HCN1: variants seen among roughly 807,000 people sequenced by gnomAD.
The protein encoded by HCN1 is potassium/sodium hyperpolarization-activated cyclic nucleotide-gated channel 1.
Under a neutral mutation model 78.9 loss-of-function variants are expected in HCN1, and 13 were observed. The observed-to-expected ratio is 0.16, with a 90% CI of 0.11 to 0.26. HCN1 has a LOEUF of 0.26. Among genes scored for constraint, HCN1 ranks in the 10% least tolerant of loss-of-function variants. The pLI is 1.00. For missense variants in HCN1, 810 were observed against 1,154.3 expected (o/e 0.70, Z 4.32); for synonymous variants, 552 against 455.5 (o/e 1.21, Z -2.70).
chr5:45,313,163 T>C (rs1397544561), intron 5 of HCN1, among the ~76,000 whole-genome samples: 1 of 152,104 alleles, frequency 6.6e-6, no homozygotes, highest in East Asian at 1.9e-4. Context: ...CCCTCTGAGA[T>C]GAAGCTTCCA....
Position 45,303,780 on chromosome 5 carries a change from C to T in HCN1, c.1437G>A (p.Ala479=), listed in dbSNP as rs372374391. ...LVATMPLFAN[A]DPNFVTAMLS... ...GCATGGCAGTCACAAAATTAGGATC[C>T]GCATTAGCAAATAAAGGCATTGTAG... The change falls in exon 6 of 8, where the codon GCG becomes GCA. Residue 479 remains alanine, a synonymous_variant. Coordinates refer to ENST00000303230, the MANE Select transcript of HCN1 (RefSeq NM_021072.4). 6.9e-5 allele frequency: 111 copies of T among 1,613,456 alleles called. No individual in the cohort carries two copies. The highest frequency in any genetic ancestry group is 3.2e-4 in the South Asian group (29 of 91,086).
chr5:45,421,384 A>G (rs1740225451), intron 3 of HCN1, among the ~76,000 whole-genome samples: 1 of 152,156 alleles, frequency 6.6e-6, no homozygotes, highest in South Asian at 2.1e-4. Flanking sequence ...TTTAACAACA[A>G]AAAAACTAGA....
chr5:45,544,507 C>CAT (rs1743168356), intron 2 of HCN1, among the ~76,000 whole-genome samples: 2 of 151,938 alleles, frequency 1.3e-5, no homozygotes, highest in African/African-American at 2.4e-5. Context: ...AGGTTTGTCA[C>CAT]ATATGTATAC....
At chr5:45,620,441 T>C (rs1745035693) in intron 2 of HCN1, among the ~76,000 whole-genome samples, 1 of 151,926 alleles carries the variant, frequency 6.6e-6, no homozygotes, top group Non-Finnish European at 1.5e-5. Flanking sequence ...CTATATAATA[T>C]TTTACTATTC....
At chr5:45,425,216 G>T (rs923156004) in intron 3 of HCN1, among the ~76,000 whole-genome samples, 1 of 152,158 alleles carries the variant, frequency 6.6e-6, no homozygotes, top group Admixed American at 6.5e-5. Flanking sequence ...ACACTTAACA[G>T]CTTCTGCCTT....
intron 2 of HCN1, among the ~76,000 whole-genome samples, chr5:45,619,378 C>T (rs1395086975): frequency 1.3e-5 from 2 of 152,026 alleles, no homozygotes; most frequent in Non-Finnish European, 2.9e-5. Context: ...AGAGAGAATA[C>T]ACGGTGAATC....
chr5:45,406,904 C>T (rs1675693929), intron 3 of HCN1, among the ~76,000 whole-genome samples: 1 of 152,120 alleles, frequency 6.6e-6, no homozygotes, highest in South Asian at 2.1e-4. Context: ...TTTATACTTT[C>T]CTATTAGTCA....
chr5:45,556,927 A>G (rs1023554745), intron 2 of HCN1, among the ~76,000 whole-genome samples: 8 of 152,112 alleles, frequency 5.3e-5, no homozygotes, highest in African/African-American at 1.9e-4. Flanking sequence ...GAAATATCAC[A>G]CGTTTAAAGC....
At chr5:45,335,884 C>A (rs778979469) in intron 5 of HCN1, among the ~76,000 whole-genome samples, 9 of 151,896 alleles carry the variant, frequency 5.9e-5, no homozygotes, top group Non-Finnish European at 8.8e-5. Flanking sequence ...TAGTTAGTAG[C>A]GGAGCTGGAT....
At chr5:45,345,294 T>C (rs1048662414) in intron 5 of HCN1, among the ~76,000 whole-genome samples, 10 of 152,076 alleles carry the variant, frequency 6.6e-5, no homozygotes, top group African/African-American at 2.4e-4. Flanking sequence ...TCCAGGTCTG[T>C]GATGGGAGGG....
intron 5 of HCN1, among the ~76,000 whole-genome samples, chr5:45,317,166 AC>A (rs1342239099): frequency 6.6e-6 from 1 of 152,220 alleles, no homozygotes; most frequent in Non-Finnish European, 1.5e-5. Flanking sequence ...ACTTCAAACT[AC>A]ACTACAAAGC....
chr5:45,271,404 A>C (rs1297055824), intron 6 of HCN1, among the ~76,000 whole-genome samples: 1 of 149,170 alleles, frequency 6.7e-6, no homozygotes, highest in Non-Finnish European at 1.5e-5. Context: ...ACACACACAG[A>C]CACAGTTGCT....
intron 1 of HCN1, among the ~76,000 whole-genome samples, chr5:45,645,957 A>G (rs1026163779): frequency 6.6e-6 from 1 of 152,114 alleles, no homozygotes; most frequent in African/African-American, 2.4e-5. Context: ...AGAAAGAAGT[A>G]TAAGATTAGA....
intron 5 of HCN1, among the ~76,000 whole-genome samples, chr5:45,306,282 T>C (rs920004972): frequency 6.6e-6 from 1 of 152,116 alleles, no homozygotes; most frequent in Admixed American, 6.6e-5. Context: ...TTTCACTTCA[T>C]GGATCTCTCA....
chr5:45,290,255 T>C (rs1406658829), intron 6 of HCN1, among the ~76,000 whole-genome samples: 3 of 152,038 alleles, frequency 2.0e-5, no homozygotes, highest in East Asian at 3.9e-4. Flanking sequence ...TCTTTCTTTA[T>C]AAATTACCTA....
At chr5:45,269,718 T>G (rs1197506485) in intron 6 of HCN1, among the ~76,000 whole-genome samples, 1 of 152,120 alleles carries the variant, frequency 6.6e-6, no homozygotes, top group African/African-American at 2.4e-5. Context: ...CCCACTATCC[T>G]CAGGTACATG....
At chr5:45,581,949 T>C (rs558776197) in intron 2 of HCN1, among the ~76,000 whole-genome samples, 2 of 152,282 alleles carry the variant, frequency 1.3e-5, no homozygotes, top group African/African-American at 4.8e-5. Context: ...TGAAGTCAGG[T>C]AGTGTGATGC....
intron 2 of HCN1, among the ~76,000 whole-genome samples, chr5:45,577,783 T>C: frequency 6.6e-6 from 1 of 152,228 alleles, no homozygotes; most frequent in East Asian, 1.9e-4. Flanking sequence ...AGGTTTTATT[T>C]CCTTAAATGT....
rs535117181 is a variant in HCN1, at chr5:45,371,476, T to G, written c.1231-18230A>C. Among the ~76,000 whole-genome samples, 7 of 151,882 alleles carry G rather than the reference T, an allele frequency of 4.6e-5. No individual in the cohort carries two copies. In the Admixed American group the frequency reaches 4.6e-4, roughly 10 times the overall value. On this transcript the variant is annotated intron_variant, in intron 4 of 7. Transcript: ENST00000303230. ...CTGAACCCACTGAAATACAAAATCC[T>G]GGCTGGGCACGGTGACTCATGCCTG...
Sources: allele counts gnomAD v4.1 joint callset (sites outside exome capture counted in the v4.1 genomes callset), GRCh38; gene constraint gnomAD v4.1.1; transcripts MANE v1.5; gene names NCBI Gene and HGNC (gene_info 2026-07-23, HGNC 2026-07-21).